The following MICU3 variants were observed in gnomAD, a reference collection of about 807,000 sequenced individuals.
The protein encoded by MICU3 is calcium uptake protein 3, mitochondrial.
Under a neutral mutation model 66.5 loss-of-function variants are expected in MICU3, and 62 were observed. The ratio of observed to expected loss-of-function variants is 0.93; its 90% CI spans 0.76 to 1.15. The LOEUF is 1.15. Ranked by LOEUF, MICU3 falls within the 50% of genes most tolerant of loss-of-function variation. The pLI, the probability that MICU3 is intolerant of heterozygous loss-of-function variation, is 0.00. For missense variants in MICU3, 779 were observed against 664.4 expected (o/e 1.17, Z -1.90); for synonymous variants, 308 against 240.7 (o/e 1.28, Z -2.59).
chr8:17,116,985 T>A (rs1040820232), intron 13 of MICU3, among the ~76,000 whole-genome samples: 2 of 152,120 alleles, frequency 1.3e-5, no homozygotes, highest in African/African-American at 4.8e-5. Context: ...TTAATTTTAT[T>A]TATTCTTTTA....
At chr8:17,041,944 GA>G (rs774917221) in intron 1 of MICU3, among the ~76,000 whole-genome samples, 5 of 152,138 alleles carry the variant, frequency 3.3e-5, no homozygotes, top group Non-Finnish European at 7.4e-5. Context: ...AGGTTTGGGG[GA>G]AAGTGGAGGA....
At chr8:17,119,282 A>T (rs961996735) in intron 14 of MICU3, among the ~76,000 whole-genome samples, 1 of 152,178 alleles carries the variant, frequency 6.6e-6, no homozygotes, top group Non-Finnish European at 1.5e-5. Flanking sequence ...CCTATTTATT[A>T]TAACTTATTA....
At chr8:17,107,563 T>C (rs1284700275) in intron 11 of MICU3, among the ~76,000 whole-genome samples, 1 of 152,028 alleles carries the variant, frequency 6.6e-6, no homozygotes, top group Admixed American at 6.5e-5. Context: ...ATTTAAACTT[T>C]AAAGCAGGAG....
At chr8:17,045,654 A>G (rs1026419249) in intron 1 of MICU3, among the ~76,000 whole-genome samples, 1 of 152,208 alleles carries the variant, frequency 6.6e-6, no homozygotes, top group Non-Finnish European at 1.5e-5. Flanking sequence ...CCCATACTCT[A>G]TCCTACACAT....
At chr8:17,124,423 G>T (rs537455572), downstream of MICU3, among the ~76,000 whole-genome samples, 14 of 152,060 alleles carry the variant, frequency 9.2e-5, no homozygotes, top group East Asian at 2.7e-3. Context: ...ATACATGCAT[G>T]GTTAATATAT....
chr8:17,107,520 G>T (rs1801839523), intron 11 of MICU3, among the ~76,000 whole-genome samples: 1 of 152,056 alleles, frequency 6.6e-6, no homozygotes, highest in Non-Finnish European at 1.5e-5. Context: ...TATTCAAAGA[G>T]TGACTGTAAG....
At chr8:17,056,471 T>C (rs1585259586) in intron 1 of MICU3, among the ~76,000 whole-genome samples, 2 of 152,238 alleles carry the variant, frequency 1.3e-5, no homozygotes, top group South Asian at 4.1e-4. Flanking sequence ...TCTTACTCAT[T>C]TGAACCTCTT....
chr8:17,074,336 A>G (rs992097055), intron 3 of MICU3, among the ~76,000 whole-genome samples: 3 of 152,158 alleles, frequency 2.0e-5, no homozygotes, highest in Admixed American at 6.5e-5. Flanking sequence ...TATAGACAAT[A>G]TCTCTTTTGG....
the MICU3 span, among the ~76,000 whole-genome samples, chr8:17,128,876 C>CTGTG: frequency 1.6e-3 from 240 of 152,200 alleles, no homozygotes; most frequent in African/African-American, 5.5e-3. Flanking sequence ...AAAAGAAGCA[C>CTGTG]CAAAAATCTG....
At chr8:17,112,632 A>G (rs1488983815) in intron 11 of MICU3, among the ~76,000 whole-genome samples, 3 of 152,260 alleles carry the variant, frequency 2.0e-5, no homozygotes, top group African/African-American at 7.2e-5. Flanking sequence ...ATGTGTTGAA[A>G]AATCTGAAAG....
chr8:17,055,785 G>A (rs1038536471), intron 1 of MICU3, among the ~76,000 whole-genome samples: 5 of 152,212 alleles, frequency 3.3e-5, no homozygotes, highest in Admixed American at 6.5e-5. Flanking sequence ...ATGTGAGAAA[G>A]AAAGACACAC....
intron 3 of MICU3, among the ~76,000 whole-genome samples, chr8:17,073,359 C>G (rs1819892381): frequency 6.6e-6 from 1 of 151,868 alleles, no homozygotes; most frequent in Non-Finnish European, 1.5e-5. Flanking sequence ...TCATAGGAGC[C>G]CAAACCCTAT....
rs1420240653 is a variant in MICU3, at chr8:17,064,194, T to C, written c.492T>C (p.Thr164=). 6.2e-7 allele frequency: 1 copy of C among 1,612,506 alleles called. No individual in the cohort carries two copies. Among genetic ancestry groups the C allele is most frequent in the Non-Finnish European group, 8.5e-7 (1 of 1,179,054 alleles). ...AATGTGAAGGGCAGTTATTCATGACTCCGTATGATTTTATTTTGGCTGTTA... is the reference window on the plus strand; with the variant it reads ...AATGTGAAGGGCAGTTATTCATGACCCCGTATGATTTTATTTTGGCTGTTA... The part of the protein sequence containing the change: ...SIECEGQLFM[T]PYDFILAVTT... The change falls in exon 2 of 15, where the codon ACT becomes ACC. Residue 164 remains threonine, a synonymous_variant. Coordinates refer to ENST00000318063, the MANE Select transcript of MICU3 (RefSeq NM_181723.3).
At chr8:17,041,939 T>G (rs970629796) in intron 1 of MICU3, among the ~76,000 whole-genome samples, 18 of 152,142 alleles carry the variant, frequency 1.2e-4, no homozygotes, top group African/African-American at 4.3e-4. Context: ...GATAGAGGTT[T>G]GGGGGAAAGT....
intron 3 of MICU3, among the ~76,000 whole-genome samples, chr8:17,070,752 G>C (rs1342151242): frequency 6.6e-6 from 1 of 151,966 alleles, no homozygotes; most frequent in Non-Finnish European, 1.5e-5. Flanking sequence ...AAACTTGAGA[G>C]ACATTGTCTT....
chr8:17,114,618 C>G (rs1802511619), intron 12 of MICU3, among the ~76,000 whole-genome samples: 1 of 152,150 alleles, frequency 6.6e-6, no homozygotes. Flanking sequence ...GTCATAGAAT[C>G]CCAAGTGCTG....
the MICU3 span, among the ~76,000 whole-genome samples, chr8:17,128,555 C>A: frequency 6.6e-6 from 1 of 152,184 alleles, no homozygotes; most frequent in Non-Finnish European, 1.5e-5. Context: ...TAGAAATAAG[C>A]ATTTGCTGAA....
intron 2 of MICU3, 30 bp downstream of exon 2, chr8:17,064,267 A>T: frequency 6.4e-7 from 1 of 1,560,632 alleles, no homozygotes; most frequent in Non-Finnish European, 8.7e-7. Flanking sequence ...TATCTTAATA[A>T]TTGTATAATT....
At chr8:17,064,889 A>C (rs907839104) in intron 2 of MICU3, among the ~76,000 whole-genome samples, 1 of 152,126 alleles carries the variant, frequency 6.6e-6, no homozygotes, top group Admixed American at 6.5e-5. Context: ...CTCCTTTGAT[A>C]CTGTATCACA....
Sources: gnomAD v4.1 joint callset for allele counts (sites outside exome capture counted in the v4.1 genomes callset) on GRCh38, gnomAD v4.1.1 for gene constraint, MANE v1.5 for transcripts, NCBI Gene and HGNC (gene_info 2026-07-23, HGNC 2026-07-21) for gene names.